The following HECW2 variants were observed in gnomAD, a reference collection of about 807,000 sequenced individuals.
HECW2 encodes the protein E3 ubiquitin-protein ligase HECW2.
A neutral mutation model predicts 175.2 loss-of-function variants in HECW2; 61 were observed. That is an observed-to-expected ratio of 0.35 (90% confidence interval 0.28 to 0.43). The LOEUF is 0.43. Ranked by LOEUF, HECW2 falls within the 20% of genes least tolerant of loss-of-function variation. The pLI, the probability that HECW2 is intolerant of heterozygous loss-of-function variation, is 1.00. For synonymous variants in HECW2, 671 were observed against 731.0 expected (o/e 0.92, Z 1.32); for missense variants, 1,524 against 2,000.5 (o/e 0.76, Z 4.54).
intron 1 of HECW2, among the ~76,000 whole-genome samples, chr2:196,581,062 G>T (rs76254228): frequency 1.3e-5 from 2 of 152,156 alleles, no homozygotes; most frequent in African/African-American, 4.8e-5. Flanking sequence ...CATATTATAT[G>T]ATTTCATTCA....
At chr2:196,386,162 C>T (rs1387643521) in intron 2 of HECW2, among the ~76,000 whole-genome samples, 1 of 152,196 alleles carries the variant, frequency 6.6e-6, no homozygotes. Flanking sequence ...AAAAAGAAAA[C>T]CACCTGCCCT....
chr2:196,399,857 G>A (rs1409941871), intron 2 of HECW2, among the ~76,000 whole-genome samples: 1 of 152,154 alleles, frequency 6.6e-6, no homozygotes, highest in Admixed American at 6.5e-5. Context: ...TGTGTCTACT[G>A]ACATTTCCTA....
At chr2:196,293,785 CTGAG>C (rs1690695860) in intron 13 of HECW2, among the ~76,000 whole-genome samples, 1 of 152,222 alleles carries the variant, frequency 6.6e-6, no homozygotes, top group South Asian at 2.1e-4. Context: ...TATTGGCTCT[CTGAG>C]TGAGTGCCAG....
intron 1 of HECW2, among the ~76,000 whole-genome samples, chr2:196,442,257 A>G (rs1246983455): frequency 1.3e-5 from 2 of 152,220 alleles, no homozygotes; most frequent in Admixed American, 6.5e-5. Flanking sequence ...AATTGAATCA[A>G]TAAGTATATA....
At chr2:196,396,828 A>AAAAC (rs148015627) in intron 2 of HECW2, among the ~76,000 whole-genome samples, 256 of 150,522 alleles carry the variant, frequency 1.7e-3, no homozygotes, top group Admixed American at 2.2e-3. Context: ...TAAAAAAAAA[A>AAAAC]TGGCCGGGTG....
intron 13 of HECW2, among the ~76,000 whole-genome samples, chr2:196,304,922 C>T (rs1258454756): frequency 3.9e-5 from 6 of 152,174 alleles, no homozygotes; most frequent in South Asian, 2.1e-4. Context: ...TGCAGCTTCA[C>T]GAATCGATTG....
At chr2:196,500,973 G>A (rs1047356502) in intron 1 of HECW2, among the ~76,000 whole-genome samples, 2 of 151,996 alleles carry the variant, frequency 1.3e-5, no homozygotes, top group South Asian at 2.1e-4. Flanking sequence ...TTATTTTCCC[G>A]CTTTAAATCA....
At chr2:196,544,888 T>G (rs1559168641) in intron 1 of HECW2, among the ~76,000 whole-genome samples, 1 of 152,210 alleles carries the variant, frequency 6.6e-6, no homozygotes, top group Non-Finnish European at 1.5e-5. Context: ...CCTCATACTT[T>G]GTTTTGCTCA....
intron 10 of HECW2, among the ~76,000 whole-genome samples, chr2:196,314,906 G>A (rs961315240): frequency 1.3e-5 from 2 of 151,828 alleles, no homozygotes; most frequent in Non-Finnish European, 1.5e-5. Flanking sequence ...TCAGACGCAT[G>A]ACCAGAGGTG....
chr2:196,496,644 C>T (rs536173742), intron 1 of HECW2, among the ~76,000 whole-genome samples: 1 of 152,298 alleles, frequency 6.6e-6, no homozygotes, highest in African/African-American at 2.4e-5. Flanking sequence ...TTCAGATATA[C>T]AAGCGCTTTT....
At position 196,298,671 on chromosome 2, in the gene HECW2, C is replaced by T. The variant is rs945944853; in HGVS notation, c.2815-5921G>A. Reference sequence around the variant, plus strand: ...ACTCCGCCTACCCCATGACAGGCCCCGGTGTGTGATGTTCCCCTTCCTGTG... The same window carrying T: ...ACTCCGCCTACCCCATGACAGGCCCTGGTGTGTGATGTTCCCCTTCCTGTG... On this transcript the variant is annotated intron_variant, in intron 13 of 28. Coordinates refer to ENST00000644978, the MANE Select transcript of HECW2 (RefSeq NM_001348768.2). Among the ~76,000 whole-genome samples, 5 of 152,114 alleles carry T rather than the reference C, an allele frequency of 3.3e-5. No individual in the cohort carries two copies. The East Asian group carries it at 5.8e-4, about 18-fold the overall frequency.
chr2:196,380,729 C>T (rs1007974049), intron 2 of HECW2, among the ~76,000 whole-genome samples: 7 of 152,172 alleles, frequency 4.6e-5, no homozygotes, highest in African/African-American at 1.2e-4. Flanking sequence ...GTTAGTGGCT[C>T]GTAAGGTGTG....
chr2:196,247,387 G>A (rs768195255), intron 19 of HECW2, among the ~76,000 whole-genome samples: 12 of 152,180 alleles, frequency 7.9e-5, no homozygotes, highest in Non-Finnish European at 1.5e-4. Context: ...AATACAAAAT[G>A]TTCTTGGAAG....
intron 1 of HECW2, among the ~76,000 whole-genome samples, chr2:196,549,015 T>C (rs866928090): frequency 2.3e-4 from 35 of 152,198 alleles, no homozygotes; most frequent in African/African-American, 7.0e-4. Flanking sequence ...TACAAGGGGT[T>C]GGCACTTCAA....
intron 28 of HECW2, among the ~76,000 whole-genome samples, chr2:196,202,573 G>C (rs931334985): frequency 6.6e-6 from 1 of 152,180 alleles, no homozygotes; most frequent in Admixed American, 6.5e-5. Flanking sequence ...CTGGCTCATA[G>C]TGTTTGACCA....
rs190665634 is a variant in HECW2, at chr2:196,260,950, G to T, written c.3336-3044C>A. On this transcript the variant is annotated intron_variant, in intron 17 of 28. Coordinates refer to ENST00000644978, the MANE Select transcript of HECW2 (RefSeq NM_001348768.2). Reference sequence around the variant, plus strand: ...AACAATATAATAATATTTTAGATGAGATGGATGACATTTATGACTGAATCT... The same window carrying T: ...AACAATATAATAATATTTTAGATGATATGGATGACATTTATGACTGAATCT... Among the ~76,000 whole-genome samples the T allele has an allele frequency of 1.9e-3, 294 of 152,274 alleles. 2 individuals are homozygous for T. Among genetic ancestry groups the T allele is most frequent in the Non-Finnish European group, 3.7e-3 (249 of 68,012 alleles).
intron 1 of HECW2, among the ~76,000 whole-genome samples, chr2:196,559,689 T>A (rs1689932026): frequency 6.6e-6 from 1 of 152,132 alleles, no homozygotes; most frequent in Non-Finnish European, 1.5e-5. Flanking sequence ...TAGCCACCTT[T>A]AGAAAGAATA....
intron 2 of HECW2, among the ~76,000 whole-genome samples, chr2:196,368,227 A>G (rs1184876406): frequency 6.6e-6 from 1 of 152,128 alleles, no homozygotes; most frequent in African/African-American, 2.4e-5. Context: ...ACTAATTTAC[A>G]TTTCTACCAA....
At chr2:196,263,872 C>T (rs1369950128) in intron 17 of HECW2, 1 of 152,036 alleles carries the variant, frequency 6.6e-6, no homozygotes, top group Non-Finnish European at 1.5e-5. Context: ...TAGCCTGGAG[C>T]CTATTATATA....
Sources: gnomAD v4.1 joint callset for allele counts (sites outside exome capture counted in the v4.1 genomes callset) on GRCh38, gnomAD v4.1.1 for gene constraint, MANE v1.5 for transcripts, NCBI Gene and HGNC (gene_info 2026-07-23, HGNC 2026-07-21) for gene names.